Variants in ALK observed in about 807,000 individuals in gnomAD.
The protein encoded by ALK is ALK tyrosine kinase receptor.
In ALK, 74 loss-of-function variants were observed where a neutral mutation model predicts 163.1. That is an observed-to-expected ratio of 0.45 (90% CI 0.38 to 0.55). The LOEUF is 0.55. ALK is among the 20% of genes least tolerant of loss of function. ALK has a pLI of 0.00. For missense variants in ALK, 2,063 were observed against 2,105.3 expected, an observed-to-expected ratio of 0.98 and a Z score of 0.39; for synonymous variants, 960 against 843.2, an observed-to-expected ratio of 1.14 and a Z score of -2.40.
Position 29,279,603 on chromosome 2 carries a change from A to G in ALK, c.1818-4107T>C, listed in dbSNP as rs146665123. On this transcript the variant is annotated intron_variant, in intron 9 of 28. Coordinates refer to ENST00000389048, the MANE Select transcript of ALK (RefSeq NM_004304.5). ...GTGCTGGCCCAGAGACAGAGTGGGC[A>G]TCAGGACCACCCAGATTCAGGTTTC... 7.6e-4 allele frequency among the ~76,000 whole-genome samples: 115 copies of G among 152,278 alleles called. 1 individual carries two copies. Among genetic ancestry groups the G allele is most frequent in the Admixed American group, 6.4e-3 (98 of 15,306 alleles).
At chr2:29,613,871 C>T (rs1675764823) in intron 3 of ALK, among the ~76,000 whole-genome samples, 1 of 152,218 alleles carries the variant, frequency 6.6e-6, no homozygotes. Context: ...GCTTTTCCCT[C>T]TGGCTAAGTA....
chr2:29,747,979 G>A (rs1445415105), intron 1 of ALK, among the ~76,000 whole-genome samples: 2 of 152,212 alleles, frequency 1.3e-5, no homozygotes, highest in East Asian at 3.8e-4. Flanking sequence ...GAAAGAATGA[G>A]TCATGTGAAT....
intron 4 of ALK, among the ~76,000 whole-genome samples, chr2:29,483,101 A>G (rs189763687): frequency 2.0e-4 from 30 of 152,260 alleles, no homozygotes; most frequent in Non-Finnish European, 4.1e-4. Flanking sequence ...ACTTGAAAAG[A>G]GAGCAGGAAT....
rs188535753 is a variant in ALK, at chr2:29,862,562, C to G, written c.667+57431G>C. Among the ~76,000 whole-genome samples, 92 of 151,836 alleles carry G rather than the reference C, an allele frequency of 6.1e-4. 1 individual carries two copies. The highest frequency in any genetic ancestry group is 1.2e-3 in the Non-Finnish European group (79 of 67,880). On this transcript the variant is annotated intron_variant, in intron 1 of 28. Transcript: ENST00000389048. ...TAAAAAACCTACAAATAAATTTAACCAAAAATGTGAAAGATCTGAACACTG... is the reference window on the plus strand; with the variant it reads ...TAAAAAACCTACAAATAAATTTAACGAAAAATGTGAAAGATCTGAACACTG...
chr2:29,839,153 C>T (rs940655943), intron 1 of ALK, among the ~76,000 whole-genome samples: 1 of 152,092 alleles, frequency 6.6e-6, no homozygotes, highest in Non-Finnish European at 1.5e-5. Flanking sequence ...AAAACCATTT[C>T]CACCTTAGTG....
intron 1 of ALK, among the ~76,000 whole-genome samples, chr2:29,770,058 C>A (rs1403499795): frequency 1.3e-5 from 2 of 152,224 alleles, no homozygotes; most frequent in Non-Finnish European, 2.9e-5. Flanking sequence ...ATCCACAAAT[C>A]CCCTTCCCAT....
intron 4 of ALK, among the ~76,000 whole-genome samples, chr2:29,513,283 A>T (rs1319826796): frequency 8.2e-6 from 1 of 121,766 alleles, no homozygotes; most frequent in Non-Finnish European, 1.8e-5. Flanking sequence ...ACAGCATGGT[A>T]CTGGTACCAA....
intron 12 of ALK, among the ~76,000 whole-genome samples, chr2:29,247,190 G>A (rs906887375): frequency 3.2e-4 from 48 of 151,940 alleles, no homozygotes; most frequent in Admixed American, 2.9e-3. Flanking sequence ...CCGCGGCAGC[G>A]CCTTGTGGAA....
At chr2:29,389,305 T>A (rs1054395866) in intron 4 of ALK, among the ~76,000 whole-genome samples, 8 of 152,124 alleles carry the variant, frequency 5.3e-5, no homozygotes, top group African/African-American at 1.9e-4. Flanking sequence ...AAGTGATGTC[T>A]CCAAATGGAT....
chr2:29,233,462 G>A (rs191931590), intron 14 of ALK, 103 bp downstream of exon 14: 243 of 1,536,434 alleles, frequency 1.6e-4, no homozygotes, highest in East Asian at 2.5e-4. Flanking sequence ...ATCTTTACAC[G>A]GGGATAAGAG....
At chr2:29,429,661 G>T (rs1670227298) in intron 4 of ALK, among the ~76,000 whole-genome samples, 1 of 151,996 alleles carries the variant, frequency 6.6e-6, no homozygotes, top group Non-Finnish European at 1.5e-5. Flanking sequence ...TCCCTAAATA[G>T]ATCAATAGAT....
chr2:29,529,897 G>T (rs905375554), intron 4 of ALK, among the ~76,000 whole-genome samples: 2 of 152,136 alleles, frequency 1.3e-5, no homozygotes, highest in African/African-American at 4.8e-5. Context: ...AGCTCCTCTG[G>T]TGATGGAGGC....
chr2:29,425,045 G>T (rs114675520), intron 4 of ALK, among the ~76,000 whole-genome samples: 2,471 of 152,216 alleles, frequency 0.016, 57 homozygotes, highest in African/African-American at 0.056. Flanking sequence ...TTTGAATGGG[G>T]GAATGAGGAG....
chr2:29,568,470 A>G (rs756614630), intron 3 of ALK, among the ~76,000 whole-genome samples: 21 of 152,354 alleles, frequency 1.4e-4, no homozygotes, highest in Non-Finnish European at 2.9e-4. Flanking sequence ...AGCCGGCTGC[A>G]GTCAGGAATT....
At chr2:29,839,088 A>G (rs1450189797) in intron 1 of ALK, among the ~76,000 whole-genome samples, 1 of 152,152 alleles carries the variant, frequency 6.6e-6, no homozygotes, top group Non-Finnish European at 1.5e-5. Flanking sequence ...TTATTTATAT[A>G]TTCTGAAGTT....
At chr2:29,522,149 T>C (rs544888258) in intron 4 of ALK, among the ~76,000 whole-genome samples, 127 of 152,324 alleles carry the variant, frequency 8.3e-4, no homozygotes, top group African/African-American at 2.7e-3. Flanking sequence ...AGAGTGGTGA[T>C]TGGGAGCAGG....
intron 8 of ALK, among the ~76,000 whole-genome samples, chr2:29,306,491 T>C (rs1666512461): frequency 6.6e-6 from 1 of 152,250 alleles, no homozygotes; most frequent in Non-Finnish European, 1.5e-5. Context: ...CCTGGGAGCT[T>C]ATTAGAAATT....
chr2:29,392,256 G>T (rs74764388), intron 4 of ALK, among the ~76,000 whole-genome samples: 101 of 152,298 alleles, frequency 6.6e-4, no homozygotes, highest in African/African-American at 2.3e-3. Context: ...TTATAAGAGA[G>T]AAATTTGAGG....
intron 1 of ALK, among the ~76,000 whole-genome samples, chr2:29,881,575 C>T (rs1350799122): frequency 6.6e-6 from 1 of 152,176 alleles, no homozygotes; most frequent in Non-Finnish European, 1.5e-5. Flanking sequence ...CAACAGGCTG[C>T]TGGCTGTCTC....
Sources: gnomAD v4.1 joint callset for allele counts (sites outside exome capture counted in the v4.1 genomes callset) on GRCh38, gnomAD v4.1.1 for gene constraint, MANE v1.5 for transcripts, NCBI Gene and HGNC (gene_info 2026-07-23, HGNC 2026-07-21) for gene names.